PLA2R1: variants seen among roughly 807,000 people sequenced by gnomAD.
PLA2R1 encodes the protein secretory phospholipase A2 receptor.
A neutral mutation model predicts 195.9 loss-of-function variants in PLA2R1; 158 were observed. That is an observed-to-expected ratio of 0.81 (90% CI 0.71 to 0.92). PLA2R1 has a LOEUF of 0.92. PLA2R1 is among the 40% of genes least tolerant of loss of function. The probability of loss-of-function intolerance (pLI) is 0.00; values close to 1 mark genes in which losing one functional copy is unlikely to be tolerated. For synonymous variants in PLA2R1, 586 were observed against 598.2 expected (o/e 0.98, Z 0.30); for missense variants, 1,626 against 1,764.6 (o/e 0.92, Z 1.41).
intron 11 of PLA2R1, among the ~76,000 whole-genome samples, chr2:159,999,773 C>CA (rs1256853752): frequency 2.6e-5 from 4 of 152,070 alleles, no homozygotes; most frequent in Non-Finnish European, 4.4e-5. Flanking sequence ...TTTAAAAACA[C>CA]AGAGAGAGAC....
rs77277901 is a variant in PLA2R1 at position 159,986,866 on chromosome 2, C to T, written c.2037+290G>A. 0.015 allele frequency among the ~76,000 whole-genome samples: 2,247 copies of T among 152,254 alleles called. 109 individuals carry two copies. In the East Asian group the frequency reaches 0.18, roughly 12 times the overall value. ...CCTCCCAAAGTGCTGGGATTACAGG[C>T]GTGAGTCACTGTGCCTGGCCCTGTG... On this transcript the variant is annotated intron_variant, in intron 12 of 29. Transcript: ENST00000283243.
chr2:160,051,405 G>A (rs548953793), intron 1 of PLA2R1, among the ~76,000 whole-genome samples: 4 of 152,238 alleles, frequency 2.6e-5, no homozygotes, highest in South Asian at 2.1e-4. Context: ...CTTCCTGCCC[G>A]GCAGCCTGTC....
At chr2:159,969,036 G>A (rs1688968269) in intron 19 of PLA2R1, among the ~76,000 whole-genome samples, 1 of 152,072 alleles carries the variant, frequency 6.6e-6, no homozygotes, top group Non-Finnish European at 1.5e-5. Context: ...TTATGAGGAA[G>A]GACTTATTCA....
chr2:160,054,890 A>G lies in PLA2R1; in HGVS notation c.109+7405T>C, dbSNP rs114207399. The stretch of plus-strand genomic sequence containing the variant: ...AAAAAATGGAGGGAAGGGTTTATAA[A>G]TGTCTTAAATCAATTACTTTGATAG... On this transcript the variant is annotated intron_variant, in intron 1 of 29. Transcript: ENST00000283243. Among the ~76,000 whole-genome samples, 942 of 152,330 alleles carry G rather than the reference A, an allele frequency of 6.2e-3. 9 individuals are homozygous for G. Among genetic ancestry groups the G allele is most frequent in the African/African-American group, 0.022 (906 of 41,568 alleles).
intron 6 of PLA2R1, among the ~76,000 whole-genome samples, chr2:160,026,460 T>C (rs1161014177): frequency 6.6e-6 from 1 of 152,166 alleles, no homozygotes; most frequent in Non-Finnish European, 1.5e-5. Flanking sequence ...AAATAAGTCT[T>C]GAGTGTCCAC....
chr2:160,029,164 T>A (rs1243401852), intron 4 of PLA2R1, among the ~76,000 whole-genome samples: 1 of 152,184 alleles, frequency 6.6e-6, no homozygotes, highest in Non-Finnish European at 1.5e-5. Context: ...CAGCTGTTTT[T>A]CAACTGTGAA....
At position 159,943,850 on chromosome 2, in the gene PLA2R1, G is replaced by T. The variant is rs145048081; in HGVS notation, c.4144+1056C>A. Among the ~76,000 whole-genome samples, 539 of 151,620 alleles carry T rather than the reference G, an allele frequency of 3.6e-3. 3 individuals are homozygous for T. The highest frequency in any genetic ancestry group is 0.012 in the African/African-American group (497 of 41,294). On this transcript the variant is annotated intron_variant, in intron 28 of 29. Coordinates refer to ENST00000283243, the MANE Select transcript of PLA2R1 (RefSeq NM_007366.5). The stretch of plus-strand genomic sequence containing the variant: ...CACAGAGTTGAGACTCACACTGTGG[G>T]GGTTTCAAACATTGGTGCCCACACC...
rs77629557 is a variant in PLA2R1, at chr2:159,944,145, C to T, written c.4144+761G>A. On this transcript the variant is annotated intron_variant, in intron 28 of 29. Transcript: ENST00000283243. Reference sequence around the variant, plus strand: ...CAATTTTATTCCCATCACCCCCTGACGTGAGCCCTTTGCTCTAATTGAAAC... The same window carrying T: ...CAATTTTATTCCCATCACCCCCTGATGTGAGCCCTTTGCTCTAATTGAAAC... Among the ~76,000 whole-genome samples the T allele has an allele frequency of 6.2e-4, 94 of 152,284 alleles. 1 individual carries two copies. Among genetic ancestry groups the T allele is most frequent in the African/African-American group, 2.0e-3 (84 of 41,548 alleles).
intron 3 of PLA2R1, among the ~76,000 whole-genome samples, chr2:160,038,870 C>A (rs1022207103): frequency 3.3e-5 from 5 of 151,778 alleles, no homozygotes; most frequent in African/African-American, 9.7e-5. Context: ...AGGGCGGGAG[C>A]GGGGGCAGGC....
rs1686777797 is a variant in PLA2R1, at chr2:159,935,475, C to A, written c.*6303G>T. On this transcript the variant is annotated 3_prime_UTR_variant, in exon 30 of 30. Coordinates refer to ENST00000283243, the MANE Select transcript of PLA2R1 (RefSeq NM_007366.5). ...ATTCATTCACTCATTCAATTGTTTA[C>A]ATCAGTATGGACACACAGATATTTA... 2.6e-5 allele frequency: 4 copies of A among 152,172 alleles called. No homozygotes were observed. The highest frequency in any genetic ancestry group is 2.0e-4 in the Admixed American group (3 of 15,284). 9.4% of individuals were successfully genotyped at this position (152,172 alleles called of 1,614,324 possible).
intron 12 of PLA2R1, 85 bp from the exon 13 acceptor site, chr2:159,984,158 A>T: frequency 1.6e-6 from 1 of 628,888 alleles, no homozygotes; most frequent in Non-Finnish European, 2.8e-6. Flanking sequence ...CAGTAATATT[A>T]ACATAATCAT....
chr2:159,966,300 A>C (rs1240006621), intron 20 of PLA2R1, among the ~76,000 whole-genome samples: 3 of 152,228 alleles, frequency 2.0e-5, no homozygotes, highest in African/African-American at 7.2e-5. Flanking sequence ...AAAGGCAAAT[A>C]CTGTCTGATT....
intron 10 of PLA2R1, among the ~76,000 whole-genome samples, chr2:160,012,715 C>T (rs1442888875): frequency 6.6e-6 from 1 of 152,066 alleles, no homozygotes; most frequent in Non-Finnish European, 1.5e-5. Flanking sequence ...GAGTTCAGAC[C>T]AGCCTGGCCA....
chr2:160,060,742 G>A (rs148292671), intron 1 of PLA2R1, among the ~76,000 whole-genome samples: 20 of 152,270 alleles, frequency 1.3e-4, no homozygotes, highest in Non-Finnish European at 2.4e-4. Context: ...CCCTTCACTC[G>A]GAGGATCACC....
At chr2:160,012,743 C>T (rs1335425276) in intron 10 of PLA2R1, among the ~76,000 whole-genome samples, 1 of 152,040 alleles carries the variant, frequency 6.6e-6, no homozygotes, top group Admixed American at 6.6e-5. Context: ...GAAACCCCGT[C>T]TCTACTAAAA....
At chr2:159,971,541 G>A (rs534050632) in intron 17 of PLA2R1, among the ~76,000 whole-genome samples, 2 of 151,984 alleles carry the variant, frequency 1.3e-5, no homozygotes, top group African/African-American at 4.8e-5. Context: ...CCAGGAAATT[G>A]AAATTCCCTC....
rs1687025030 is a variant in PLA2R1 at position 159,940,169 on chromosome 2, T to C, written c.*1609A>G. On this transcript the variant is annotated 3_prime_UTR_variant, in exon 30 of 30. Transcript: ENST00000283243. The stretch of plus-strand genomic sequence containing the variant: ...CCCCCTTGTGATTAGTGGCCACTGG[T>C]TTTGAGGCAGTTGGTTGTAATAATT... 3 of 152,100 alleles carry C rather than the reference T, an allele frequency of 2.0e-5. No homozygotes were observed. The highest frequency in any genetic ancestry group is 7.2e-5 in the African/African-American group (3 of 41,420). The allele number at this position is 152,100 out of a possible 1,614,324, so 9.4% of individuals were successfully genotyped here.
chr2:159,927,131 C>T (rs1260898621), downstream of PLA2R1, among the ~76,000 whole-genome samples: 2 of 152,160 alleles, frequency 1.3e-5, no homozygotes, highest in Non-Finnish European at 2.9e-5. Context: ...ATCATCCATA[C>T]AGGACTGGGA....
chr2:159,942,055 C>T, intron 29 of PLA2R1, 63 bp from the exon 30 acceptor site: 1 of 1,553,622 alleles, frequency 6.4e-7, no homozygotes, highest in South Asian at 1.1e-5. Flanking sequence ...AATATAGATA[C>T]TGTCATACAG....
Sources: gnomAD v4.1 joint callset for allele counts (sites outside exome capture counted in the v4.1 genomes callset) on GRCh38, gnomAD v4.1.1 for gene constraint, MANE v1.5 for transcripts, NCBI Gene and HGNC (gene_info 2026-07-23, HGNC 2026-07-21) for gene names.